The following HUNK variants were observed in gnomAD, a reference collection of about 807,000 sequenced individuals.
HUNK encodes hormonally up-regulated Neu-associated kinase, also known as hormonally up-regulated neu tumor-associated kinase.
In HUNK, 21 loss-of-function variants were observed where a neutral mutation model predicts 61.0. That is an observed-to-expected ratio of 0.34 (90% CI 0.24 to 0.50). HUNK has a LOEUF of 0.50. HUNK is among the 20% of genes least tolerant of loss of function. The probability of loss-of-function intolerance (pLI) is 0.98; values close to 1 mark genes in which losing one functional copy is unlikely to be tolerated. For synonymous variants in HUNK, 371 were observed against 386.1 expected, an observed-to-expected ratio of 0.96 and a Z score of 0.46; for missense variants, 772 against 945.7, an observed-to-expected ratio of 0.82 and a Z score of 2.41.
chr21:31,960,842 A>G lies in HUNK; in HGVS notation c.874+1872A>G, dbSNP rs894837343. 3.9e-5 allele frequency among the ~76,000 whole-genome samples: 6 copies of G among 152,204 alleles called. No homozygotes were observed. In the East Asian group the frequency reaches 7.7e-4, roughly 19 times the overall value. ...ATTTGGGTTGGGACACAGCCAAACC[A>G]TATCACCCAGTTTCCCCCAATAGTA... On this transcript the variant is annotated intron_variant, in intron 5 of 10. Transcript: ENST00000270112.
chr21:31,956,721 C>T (rs1281460360), intron 4 of HUNK, among the ~76,000 whole-genome samples: 1 of 152,206 alleles, frequency 6.6e-6, no homozygotes, highest in East Asian at 1.9e-4. Flanking sequence ...TGCGTGCCAT[C>T]ATTCCGATTC....
At chr21:31,876,702 C>T (rs2052264810) in intron 1 of HUNK, among the ~76,000 whole-genome samples, 1 of 152,190 alleles carries the variant, frequency 6.6e-6, no homozygotes, top group South Asian at 2.1e-4. Flanking sequence ...CCTCCAGTGT[C>T]CCCCACTGTG....
At chr21:31,942,977 G>A (rs2052779238) in intron 3 of HUNK, among the ~76,000 whole-genome samples, 1 of 152,170 alleles carries the variant, frequency 6.6e-6, no homozygotes, top group African/African-American at 2.4e-5. Flanking sequence ...CCAGTGTGTT[G>A]TGAGGTTTCT....
chr21:31,990,208 G>A lies in HUNK; in HGVS notation c.1305+32G>A, dbSNP rs79163525. The stretch of plus-strand genomic sequence containing the variant: ...ACTTGGGGGATTATTATGTTAGTCA[G>A]GGTTCTCCAGAGAAACAGAACCAAT... On this transcript the variant is annotated intron_variant, in intron 9 of 10. Transcript: ENST00000270112. 1.3e-3 allele frequency: 2,051 copies of A among 1,584,270 alleles called. 21 individuals carry two copies. In the African/African-American group the frequency reaches 0.025, roughly 19 times the overall value.
intron 6 of HUNK, among the ~76,000 whole-genome samples, chr21:31,968,642 A>G (rs923538313): frequency 6.6e-6 from 1 of 151,738 alleles, no homozygotes; most frequent in Non-Finnish European, 1.5e-5. Flanking sequence ...CCAGGCTTTG[A>G]GGGTCTGTAT....
At chr21:31,965,314 G>A (rs891339931) in intron 5 of HUNK, among the ~76,000 whole-genome samples, 4 of 149,862 alleles carry the variant, frequency 2.7e-5, no homozygotes, top group African/African-American at 9.8e-5. Context: ...GAGGGTGGAA[G>A]GAGAGAGAGG....
At chr21:31,989,832 G>A (rs1455678444) in intron 8 of HUNK, among the ~76,000 whole-genome samples, 1 of 151,834 alleles carries the variant, frequency 6.6e-6, no homozygotes, top group Non-Finnish European at 1.5e-5. Context: ...TGATCCAAGT[G>A]CCATTTCTGT....
chr21:31,958,045 TC>T (rs954513322), intron 4 of HUNK, among the ~76,000 whole-genome samples: 1 of 152,154 alleles, frequency 6.6e-6, no homozygotes, highest in Admixed American at 6.5e-5. Flanking sequence ...TTGTAAGCCA[TC>T]CTTGGAAAAC....
Position 31,881,057 on chromosome 21 carries a change from C to T in HUNK, c.261+7122C>T, listed in dbSNP as rs142033211. Among the ~76,000 whole-genome samples the T allele has an allele frequency of 1.9e-3, 290 of 152,328 alleles. 1 individual carries two copies. The highest frequency in any genetic ancestry group is 6.3e-3 in the African/African-American group (260 of 41,572). On this transcript the variant is annotated intron_variant, in intron 1 of 10. Transcript: ENST00000270112. ...CCCAGGCAAGGGGCATGGCCTCGTA[C>T]GGGACAGTTGCTGAGGGCGGTTCCT...
intron 10 of HUNK, among the ~76,000 whole-genome samples, chr21:31,997,078 C>G (rs1341320558): frequency 6.6e-6 from 1 of 152,252 alleles, no homozygotes; most frequent in Non-Finnish European, 1.5e-5. Flanking sequence ...GTGCCCTCAG[C>G]CACTCCCAAA....
Position 31,947,455 on chromosome 21 carries a change from C to T in HUNK, c.746+1284C>T, listed in dbSNP as rs146174030. On this transcript the variant is annotated intron_variant, in intron 4 of 10. Transcript: ENST00000270112. ...ATTTCTGAGCTCCCTGCCAGGGAGT[C>T]CCCCGTACTCTGTCCTCACCCTTTT... Among the ~76,000 whole-genome samples the T allele has an allele frequency of 8.5e-5, 13 of 152,342 alleles. 1 individual carries two copies. In the South Asian group the frequency reaches 2.5e-3, roughly 29 times the overall value.
At chr21:31,946,362 G>A (rs2052803324) in intron 4 of HUNK, among the ~76,000 whole-genome samples, 191 bp downstream of exon 4, 1 of 152,072 alleles carries the variant, frequency 6.6e-6, no homozygotes, top group Admixed American at 6.5e-5. Flanking sequence ...TGTCAGAGTG[G>A]CCTTTACCAA....
At chr21:31,969,159 G>A (rs1054911800) in intron 6 of HUNK, among the ~76,000 whole-genome samples, 2 of 152,040 alleles carry the variant, frequency 1.3e-5, no homozygotes, top group Non-Finnish European at 2.9e-5. Context: ...TTTCATGTGT[G>A]AGCCAACGTG....
intron 1 of HUNK, among the ~76,000 whole-genome samples, chr21:31,914,618 C>T (rs1473972597): frequency 6.6e-6 from 1 of 152,000 alleles, no homozygotes; most frequent in African/African-American, 2.4e-5. Flanking sequence ...TTTCACAGTC[C>T]TGGAGTCTGG....
Position 31,955,151 on chromosome 21 carries a change from G to A in HUNK, c.747-3692G>A, listed in dbSNP as rs552450068. ...CCACTGGTCTGAGGACGAACCACAC[G>A]CTATTCCAGTCACCAGGAGACTTTC... On this transcript the variant is annotated intron_variant, in intron 4 of 10. Transcript: ENST00000270112. Among the ~76,000 whole-genome samples, 6 of 152,148 alleles carry A rather than the reference G, an allele frequency of 3.9e-5. No individual in the cohort carries two copies. In the South Asian group the frequency reaches 8.3e-4, roughly 21 times the overall value.
intron 3 of HUNK, among the ~76,000 whole-genome samples, chr21:31,943,354 C>T (rs542126068): frequency 3.9e-5 from 6 of 152,104 alleles, no homozygotes; most frequent in South Asian, 2.1e-4. Context: ...TTCACTTGGG[C>T]GTTTTGTGAG....
At chr21:31,929,236 A>T (rs2052680891) in intron 2 of HUNK, among the ~76,000 whole-genome samples, 1 of 151,438 alleles carries the variant, frequency 6.6e-6, no homozygotes, top group South Asian at 2.1e-4. Flanking sequence ...TAAATATGAC[A>T]AGTAGGTTTT....
At chr21:31,997,449 C>A (rs2123261182) in intron 10 of HUNK, among the ~76,000 whole-genome samples, 1 of 152,302 alleles carries the variant, frequency 6.6e-6, no homozygotes, top group African/African-American at 2.4e-5. Flanking sequence ...ACAGATGAAC[C>A]TGGAGGACAT....
At chr21:31,900,937 C>A (rs1032039840) in intron 1 of HUNK, among the ~76,000 whole-genome samples, 1 of 152,122 alleles carries the variant, frequency 6.6e-6, no homozygotes, top group Non-Finnish European at 1.5e-5. Context: ...TCAAGTTGCA[C>A]CCTCTGAGGG....
Sources: gnomAD v4.1 joint callset for allele counts (sites outside exome capture counted in the v4.1 genomes callset) on GRCh38, gnomAD v4.1.1 for gene constraint, MANE v1.5 for transcripts, NCBI Gene and HGNC (gene_info 2026-07-23, HGNC 2026-07-21) for gene names.